Variants in STKLD1 observed in about 807,000 individuals in gnomAD.
STKLD1 encodes the protein serine/threonine kinase-like domain-containing protein STKLD1.
A neutral mutation model predicts 80.4 loss-of-function variants in STKLD1; 79 were observed. The ratio of observed to expected loss-of-function variants is 0.98; its 90% CI spans 0.82 to 1.19. STKLD1 has a LOEUF of 1.19. Ranked by LOEUF, STKLD1 falls within the 50% of genes most tolerant of loss-of-function variation. STKLD1 has a pLI of 0.00. For synonymous variants in STKLD1, 393 were observed against 357.6 expected (o/e 1.10, Z -1.12); for missense variants, 841 against 856.0 (o/e 0.98, Z 0.22).
intron 2 of STKLD1, among the ~76,000 whole-genome samples, chr9:133,383,243 G>GTAA: frequency 7.2e-6 from 1 of 139,240 alleles, no homozygotes; most frequent in Non-Finnish European, 1.6e-5. Context: ...AGTGATGATG[G>GTAA]TGATGGTGGT....
At chr9:133,391,263 G>A (rs1237956458) in intron 7 of STKLD1, among the ~76,000 whole-genome samples, 1 of 148,550 alleles carries the variant, frequency 6.7e-6, no homozygotes, top group East Asian at 1.9e-4. Flanking sequence ...CGCCCGGCCA[G>A]CCGCCCCGTC....
At position 133,389,056 on chromosome 9, in the gene STKLD1, C is replaced by T. The variant is rs1838326309; in HGVS notation, c.397-470C>T. On this transcript the variant is annotated intron_variant, in intron 5 of 17. Coordinates refer to ENST00000371957, the MANE Select transcript of STKLD1 (RefSeq NM_153710.5). The surrounding 1 kb of genome is among the most constrained non-coding windows in gnomAD (Gnocchi z 6.4). ...GGAGCCCAGCTTTAGAATCACCGCGCTGGGTACTCGATGGAGCTTGTCTCT... is the reference window on the plus strand; with the variant it reads ...GGAGCCCAGCTTTAGAATCACCGCGTTGGGTACTCGATGGAGCTTGTCTCT... 2.0e-6 allele frequency: 2 copies of T among 985,264 alleles called. No individual in the cohort carries two copies. The highest frequency in any genetic ancestry group is 1.2e-4 in the Admixed American group (2 of 16,270). The allele number at this position is 985,264 out of a possible 1,614,324, so 61.0% of individuals were successfully genotyped here.
rs781904890 is a variant in STKLD1 at position 133,397,164 on chromosome 9, G to A, written c.867G>A (p.Lys289=). Reference sequence around the variant, plus strand: ...TCAGCCCTCTCTGCTCCTCTGCTAGGGACGTGGTGCACATCACCTTCTTGA... The same window carrying A: ...TCAGCCCTCTCTGCTCCTCTGCTAGAGACGTGGTGCACATCACCTTCTTGA... ...QIDPSDRITI[K]DVVHITFLRG... Residue 289 remains lysine (K), a splice_region_variant and synonymous_variant, in exon 10 of 18, where the codon AAG becomes AAA. Transcript: ENST00000371957. The A allele has an allele frequency of 1.3e-5, 21 of 1,613,802 alleles. 2 individuals carry two copies. The Middle Eastern group carries it at 6.6e-4, about 51-fold the overall frequency.
intron 2 of STKLD1, 128 bp downstream of exon 2, chr9:133,379,250 C>T (rs2130260207): frequency 3.5e-5 from 26 of 740,272 alleles, no homozygotes; most frequent in South Asian, 1.5e-4. Flanking sequence ...CTGACACTTG[C>T]GGAGACTAAT....
intron 1 of STKLD1, among the ~76,000 whole-genome samples, chr9:133,377,673 A>C (rs1235793047): frequency 6.6e-6 from 1 of 152,158 alleles, no homozygotes; most frequent in Admixed American, 6.5e-5. Flanking sequence ...CAGAAAGAAA[A>C]AAAAAAATAG....
chr9:133,399,587 G>C (rs782479887), intron 11 of STKLD1, among the ~76,000 whole-genome samples: 5 of 152,168 alleles, frequency 3.3e-5, no homozygotes, highest in Admixed American at 6.6e-5. Flanking sequence ...CTTAGAAATG[G>C]GCTTGCAGCC....
Position 133,403,761 on chromosome 9 carries a change from C to T in STKLD1, c.1536C>T (p.Ala512=). The change falls in exon 15 of 18, where the codon GCC becomes GCT. Residue 512 remains alanine (A), a synonymous_variant. Coordinates refer to ENST00000371957, the MANE Select transcript of STKLD1 (RefSeq NM_153710.5). ...CGGACCTCATCAGCCAGGTGTTGGC[C>T]ACCTACCCTGCGGATGGGGAAATGG... The part of the protein sequence containing the change: ...KVPDLISQVL[A]TYPADGEMAE... 6.2e-7 allele frequency: 1 copy of T among 1,613,798 alleles called. No homozygotes were observed. The highest frequency in any genetic ancestry group is 8.5e-7 in the Non-Finnish European group (1 of 1,179,968).
rs2130271079 is a variant in STKLD1 at position 133,383,846 on chromosome 9, G to A, written c.175-10G>A. ...ATGTTTATTAAGCTCATGCTCTTGT[G>A]CCCTTGCAGGTGGAATGCATGGATG... On this transcript the variant is annotated splice_polypyrimidine_tract_variant and intron_variant, in intron 2 of 17. Coordinates refer to ENST00000371957, the MANE Select transcript of STKLD1 (RefSeq NM_153710.5). 6.2e-7 allele frequency: 1 copy of A among 1,613,700 alleles called. No homozygotes were observed. Among genetic ancestry groups the A allele is most frequent in the Admixed American group, 1.7e-5 (1 of 59,980 alleles).
intron 16 of STKLD1, 45 bp from the exon 17 acceptor site, chr9:133,404,744 T>C (rs1838802479): frequency 6.2e-7 from 1 of 1,601,928 alleles, no homozygotes; most frequent in Non-Finnish European, 8.5e-7. Context: ...GCTCTTCCCT[T>C]TCAGGGGAAA....
intron 12 of STKLD1, 59 bp downstream of exon 12, chr9:133,400,588 G>A: frequency 2.8e-6 from 4 of 1,419,364 alleles, no homozygotes; most frequent in Admixed American, 1.7e-5. Flanking sequence ...TCCTGCAGCT[G>A]TGCCTCCTGG....
chr9:133,401,975 A>C, intron 13 of STKLD1, 97 bp downstream of exon 13: 9 of 1,481,044 alleles, frequency 6.1e-6, no homozygotes. Context: ...TGGGTTGGAC[A>C]GGACAGTGCT....
chr9:133,397,050 G>A (rs1448883524), intron 9 of STKLD1, 114 bp from the exon 10 acceptor site: 31 of 1,447,446 alleles, frequency 2.1e-5, no homozygotes, highest in Non-Finnish European at 2.9e-5. Context: ...AGGGAGTTCA[G>A]TGTCCAGTGT....
chr9:133,386,648 G>A (rs1265382908), intron 4 of STKLD1, among the ~76,000 whole-genome samples: 2 of 152,238 alleles, frequency 1.3e-5, no homozygotes, highest in Non-Finnish European at 2.9e-5. Flanking sequence ...GACTGGGGAC[G>A]GAGACTCAGG....
At chr9:133,387,324 G>A in intron 4 of STKLD1, 123 bp from the exon 5 acceptor site, 2 of 682,614 alleles carry the variant, frequency 2.9e-6, no homozygotes, top group South Asian at 3.6e-5. Flanking sequence ...GCCCCCTCCA[G>A]TGGGCAGTGC....
chr9:133,405,449 C>G lies in STKLD1; in HGVS notation c.*28C>G. On this transcript the variant is annotated 3_prime_UTR_variant, in exon 18 of 18. Transcript: ENST00000371957. ...GTTTGTATGGAACTGACCTTGATCT[C>G]CACGTGTATAGTTTTCAAGACTGCT... 6.4e-7 allele frequency: 1 copy of G among 1,569,660 alleles called. No homozygotes were observed. The highest frequency in any genetic ancestry group is 1.4e-5 in the African/African-American group (1 of 73,818).
chr9:133,378,657 C>T (rs965234371), intron 1 of STKLD1, among the ~76,000 whole-genome samples: 2 of 152,242 alleles, frequency 1.3e-5, no homozygotes, highest in Non-Finnish European at 2.9e-5. Context: ...AGATTGGTTA[C>T]TTTCTTGTTG....
Position 133,385,685 on chromosome 9 carries a change from T to C in STKLD1, c.288T>C (p.Asn96=), listed in dbSNP as rs2130275227. ...ACCAGGAGCTGTTCATCACGTGGAA[T>C]GGGGAGGTGGGTCAGAGCTGACACC... is the stretch of plus-strand genomic sequence containing the variant. ...SVYQELFITW[N]GEISSLYLCL... is the part of the protein sequence containing the mutation. Residue 96 remains asparagine, a synonymous_variant, in exon 4 of 18, where the codon AAT becomes AAC. Transcript: ENST00000371957. This position sits in a 1 kb window ranked among gnomAD's most constrained non-coding sequence, Gnocchi z 4.9. The C allele has an allele frequency of 1.2e-6, 2 of 1,612,982 alleles. No homozygotes were observed. Among genetic ancestry groups the C allele is most frequent in the Non-Finnish European group, 8.5e-7 (1 of 1,179,908 alleles).
In STKLD1 at chr9:133,390,775, T is replaced by C. The variant is rs2130287276; in HGVS notation, c.562T>C (p.Trp188Arg). ...TGTGCTAATGACAGACAAAGCCAAA[T>C]GGAATATTCGTGCGGAGGAAGGTGG... is the stretch of plus-strand genomic sequence containing the variant. ...SNVLMTDKAKWNIRAEEDPFR... is the reference protein window; with the variant it reads ...SNVLMTDKAKRNIRAEEDPFR... Residue 188 changes from tryptophan to arginine, a missense_variant, in exon 7 of 18, where the codon TGG (tryptophan) becomes CGG (arginine). Physicochemically the swap from Trp to Arg is moderately radical, Grantham distance 101. Coordinates refer to ENST00000371957, the MANE Select transcript of STKLD1 (RefSeq NM_153710.5). The surrounding 1 kb of genome is among the most constrained non-coding windows in gnomAD (Gnocchi z 5.1). The C allele has an allele frequency of 1.2e-6, 2 of 1,613,628 alleles. No individual in the cohort carries two copies. The highest frequency in any genetic ancestry group is 2.2e-5 in the South Asian group (2 of 91,070).
Position 133,389,082 on chromosome 9 carries a change from G to A in STKLD1, c.397-444G>A, listed in dbSNP as rs1003598431. ...TGGGTACTCGATGGAGCTTGTCTCT[G>A]ATGCAGAACACTCCTAGCATTCTCT... On this transcript the variant is annotated intron_variant, in intron 5 of 17. Transcript: ENST00000371957. This position sits in a 1 kb window ranked among gnomAD's most constrained non-coding sequence, Gnocchi z 6.4. The A allele has an allele frequency of 5.1e-6, 5 of 985,278 alleles. No individual in the cohort carries two copies. Among genetic ancestry groups the A allele is most frequent in the East Asian group, 1.1e-4 (1 of 8,814 alleles). 61.0% of individuals were successfully genotyped at this position (985,278 alleles called of 1,614,324 possible).
Sources: gnomAD v4.1 joint callset for allele counts (sites outside exome capture counted in the v4.1 genomes callset) on GRCh38, gnomAD v4.1.1 for gene constraint, Gnocchi (gnomAD v3.1) non-coding constraint, MANE v1.5 for transcripts, NCBI Gene and HGNC (gene_info 2026-07-23, HGNC 2026-07-21) for gene names.